SHCBP1L: variants seen among roughly 807,000 people sequenced by gnomAD.
SHCBP1L encodes the protein SHC binding and spindle associated 1 like, also known as testicular spindle-associated protein SHCBP1L.
Under a neutral mutation model 62.5 loss-of-function variants are expected in SHCBP1L, and 67 were observed. The ratio of observed to expected loss-of-function variants is 1.07; its 90% CI spans 0.88 to 1.31. The LOEUF is 1.31. Among genes scored for constraint, SHCBP1L ranks in the 40% most tolerant of loss-of-function variants. SHCBP1L has a pLI of 0.00. For synonymous variants in SHCBP1L, 284 were observed against 289.4 expected (o/e 0.98, Z 0.19); for missense variants, 823 against 809.8 (o/e 1.02, Z -0.20).
chr1:182,925,010 A>AAGGAAGGGG lies in SHCBP1L; in HGVS notation c.1182+4628_1182+4636dup, dbSNP rs1390703901. 3.8e-4 allele frequency among the ~76,000 whole-genome samples: 50 copies of AAGGAAGGGG among 132,516 alleles called. 1 individual carries two copies. The highest frequency in any genetic ancestry group is 5.2e-4 in the Non-Finnish European group (33 of 63,866). 86.9% of individuals were successfully genotyped at this position (132,516 alleles called of 152,430 possible). A position where few individuals can be genotyped will look rare whatever the true frequency, so the allele number is the denominator to read the frequency against. On this transcript the variant is annotated intron_variant, in intron 6 of 9. Coordinates refer to ENST00000367547, the MANE Select transcript of SHCBP1L (RefSeq NM_030933.4). ...GAAGAAGGAAAGGAAGGAAGAAAGG[A>AAGGAAGGGG]AGGAAGGGGAGGAAGGGGAGGAAGG...
chr1:182,911,934 G>GCAC (rs2101925052), intron 6 of SHCBP1L, among the ~76,000 whole-genome samples: 1 of 152,326 alleles, frequency 6.6e-6, no homozygotes, highest in South Asian at 2.1e-4. Context: ...AAAAGGGTGT[G>GCAC]CTGTTACTTT....
chr1:182,943,179 C>T (rs1056934913), intron 2 of SHCBP1L, among the ~76,000 whole-genome samples: 24 of 151,682 alleles, frequency 1.6e-4, no homozygotes, highest in Non-Finnish European at 8.8e-5. Flanking sequence ...TGCAGTGGCA[C>T]GATCATAGCT....
chr1:182,916,730 A>T (rs1251736110), intron 6 of SHCBP1L, among the ~76,000 whole-genome samples: 1 of 152,234 alleles, frequency 6.6e-6, no homozygotes, highest in Non-Finnish European at 1.5e-5. Context: ...CAGTAAAGAG[A>T]TTAAAAAATC....
In SHCBP1L at chr1:182,904,263, T is replaced by C. The variant is rs1296371010; in HGVS notation, c.1504A>G (p.Ile502Val). Reference protein sequence around the residue: ...ESGHMTLENCILKCEGTGVCV... With the variant: ...ESGHMTLENCVLKCEGTGVCV... ...ACTCCTGTTCCTTCACATTTTAATA[T>C]GCAGTTTTCTAGAGTCATGTGACCA... The change falls in exon 8 of 10, where the codon ATA (isoleucine) becomes GTA (valine). Residue 502 changes from isoleucine to valine, a missense_variant. By Grantham distance (29) the Ile-to-Val change is conservative (BLOSUM62 3). Transcript: ENST00000367547. 4 of 1,614,060 alleles carry C rather than the reference T, an allele frequency of 2.5e-6. No individual in the cohort carries two copies. The highest frequency in any genetic ancestry group is 3.4e-6 in the Non-Finnish European group (4 of 1,180,032).
Position 182,951,343 on chromosome 1 carries a change from A to G in SHCBP1L, c.530T>C (p.Ile177Thr). 6.3e-7 allele frequency: 1 copy of G among 1,591,160 alleles called. No individual in the cohort carries two copies. Among genetic ancestry groups the G allele is most frequent in the Non-Finnish European group, 8.5e-7 (1 of 1,169,986 alleles). Residue 177 changes from isoleucine to threonine, a missense_variant, in exon 2 of 10, where the codon ATC (isoleucine) becomes ACC (threonine). Transcript: ENST00000367547. The stretch of plus-strand genomic sequence containing the variant: ...CTCAACCAATATACCAACAAAAGGG[A>G]TAGAAGCTTCTTCATATTTCACAAA... ...VFFVKYEEAS[I>T]PFVGILVEVT...
chr1:182,904,568 T>C lies in SHCBP1L; in HGVS notation c.1337-138A>G, dbSNP rs1268496963. On this transcript the variant is annotated intron_variant, in intron 7 of 9. Transcript: ENST00000367547. ...GTGTGTGTGTGTGTGTGTGTGTGTG[T>C]GTGTGTGTGCGCATGCGCATTTTTA... 8.9e-6 allele frequency: 8 copies of C among 899,856 alleles called. No individual in the cohort carries two copies. In the East Asian group the frequency reaches 1.1e-4, roughly 12 times the overall value. The allele number at this position is 899,856 out of a possible 1,614,324, so 55.7% of individuals were successfully genotyped here.
At chr1:182,911,329 A>G (rs1571338919) in intron 6 of SHCBP1L, among the ~76,000 whole-genome samples, 1 of 152,224 alleles carries the variant, frequency 6.6e-6, no homozygotes, top group Non-Finnish European at 1.5e-5. Context: ...AAAAGTCATT[A>G]AACAAACATA....
rs1468821917 is a variant in SHCBP1L at position 182,939,526 on chromosome 1, GTC to G, written c.796_797del (p.Asp266LeufsTer3). The G allele has an allele frequency of 6.2e-7, 1 of 1,606,196 alleles. No homozygotes were observed. The highest frequency in any genetic ancestry group is 1.3e-5 in the African/African-American group (1 of 74,468). ...TCTCACAACTTTCTTCATCATCCCAGTCTCTCCAAAGAAAGTCATAAAAAAAC... is the reference window on the plus strand; with the variant it reads ...TCTCACAACTTTCTTCATCATCCCAGTCTCCAAAGAAAGTCATAAAAAAAC... ...VRFFYDFLWR[D>X]WDDEESCENY... On this transcript the variant is annotated frameshift_variant, in exon 4 of 10. Coordinates refer to ENST00000367547, the MANE Select transcript of SHCBP1L (RefSeq NM_030933.4). LOFTEE classifies it high-confidence loss of function.
At chr1:182,900,279 A>T (rs778548436) in intron 9 of SHCBP1L, 45 bp from the exon 10 acceptor site, 1 of 1,454,982 alleles carries the variant, frequency 6.9e-7, no homozygotes, top group African/African-American at 1.4e-5. Context: ...GATTTTATTT[A>T]AAAAATGAAG....
intron 3 of SHCBP1L, 82 bp downstream of exon 3, chr1:182,940,247 G>T: frequency 2.5e-6 from 3 of 1,186,898 alleles, no homozygotes; most frequent in Non-Finnish European, 2.4e-6. Flanking sequence ...GTAAGTGCTT[G>T]TAAAGCGATT....
Position 182,904,439 on chromosome 1 carries a change from T to A in SHCBP1L, c.1337-9A>T. The A allele has an allele frequency of 6.2e-7, 1 of 1,613,390 alleles. No individual in the cohort carries two copies. The highest frequency in any genetic ancestry group is 8.5e-7 in the Non-Finnish European group (1 of 1,179,748). On this transcript the variant is annotated splice_polypyrimidine_tract_variant and intron_variant, in intron 7 of 9. Transcript: ENST00000367547. ...CTCTCTCTTTCCAACTCCTGATTCA[T>A]AGGGATAAAAATACATTAAATCAGT...
At position 182,905,612 on chromosome 1, in the gene SHCBP1L, T is replaced by G. The variant is rs764660226; in HGVS notation, c.1220A>C (p.His407Pro). Residue 407 changes from histidine (H) to proline (P), a missense_variant, in exon 7 of 10, where the codon CAT (histidine) becomes CCT (proline). Transcript: ENST00000367547. ...ATCCAAAGCCAAATCCAAATCACCA[T>G]GCTGTTGGAGAAGTGTGTCTGAAGA... Reference protein sequence around the residue: ...DLSSDTLLQQHGDLDLALDNC... With the variant: ...DLSSDTLLQQPGDLDLALDNC... 1 of 1,613,732 alleles carries G rather than the reference T, an allele frequency of 6.2e-7. No homozygotes were observed. The highest frequency in any genetic ancestry group is 8.5e-7 in the Non-Finnish European group (1 of 1,179,824).
At chr1:182,916,844 A>G (rs748498225) in intron 6 of SHCBP1L, among the ~76,000 whole-genome samples, 15 of 152,192 alleles carry the variant, frequency 9.9e-5, no homozygotes, top group Non-Finnish European at 1.6e-4. Flanking sequence ...CTAAATAATA[A>G]CTTATGAATG....
intron 2 of SHCBP1L, among the ~76,000 whole-genome samples, chr1:182,941,253 CAAAA>C (rs368017905): frequency 7.0e-5 from 4 of 57,480 alleles, no homozygotes; most frequent in African/African-American, 1.1e-4. Context: ...ACTCAAACAC[CAAAA>C]AAAAAAAAAA....
At chr1:182,909,192 G>A (rs898575500) in intron 6 of SHCBP1L, among the ~76,000 whole-genome samples, 3 of 152,096 alleles carry the variant, frequency 2.0e-5, no homozygotes, top group African/African-American at 7.2e-5. Context: ...AGAGGAAGAC[G>A]ATGAGTTTAA....
At chr1:182,920,030 C>T (rs1034427861) in intron 6 of SHCBP1L, among the ~76,000 whole-genome samples, 11 of 152,170 alleles carry the variant, frequency 7.2e-5, no homozygotes, top group African/African-American at 2.7e-4. Flanking sequence ...CATACAAACA[C>T]CACAGTCCCA....
At chr1:182,952,285 T>C (rs1238355732) in intron 1 of SHCBP1L, among the ~76,000 whole-genome samples, 1 of 130,328 alleles carries the variant, frequency 7.7e-6, no homozygotes, top group Non-Finnish European at 1.6e-5. Flanking sequence ...TACACACACA[T>C]ATATATCATG....
intron 9 of SHCBP1L, 40 bp downstream of exon 9, chr1:182,902,999 A>T (rs1649890083): frequency 2.0e-6 from 3 of 1,469,930 alleles, no homozygotes; most frequent in African/African-American, 2.8e-5. Flanking sequence ...AATTACTTAC[A>T]ATTCTTATAA....
At chr1:182,924,458 C>T (rs992533957) in intron 6 of SHCBP1L, among the ~76,000 whole-genome samples, 10 of 151,668 alleles carry the variant, frequency 6.6e-5, no homozygotes, top group Middle Eastern at 3.4e-3. Flanking sequence ...CTACAATGCC[C>T]GGCTAATTTT....
Sources: gnomAD v4.1 joint callset for allele counts (sites outside exome capture counted in the v4.1 genomes callset) on GRCh38, gnomAD v4.1.1 for gene constraint, MANE v1.5 for transcripts, NCBI Gene and HGNC (gene_info 2026-07-23, HGNC 2026-07-21) for gene names.